The following ZNF346 variants were observed in gnomAD, a reference collection of about 807,000 sequenced individuals.
The protein encoded by ZNF346 is double-stranded RNA-binding zinc finger protein JAZ.
In ZNF346, 23 loss-of-function variants were observed where a neutral mutation model predicts 33.7. That is an observed-to-expected ratio of 0.68 (90% confidence interval 0.49 to 0.97). The LOEUF (loss-of-function observed/expected upper bound fraction) is 0.97. ZNF346 is among the 50% of genes least tolerant of loss of function. ZNF346 has a pLI of 0.00. For synonymous variants in ZNF346, 134 were observed against 142.4 expected (o/e 0.94, Z 0.42); for missense variants, 340 against 371.1 (o/e 0.92, Z 0.69).
In ZNF346 at chr5:177,038,876, T is replaced by TTCG. The variant is rs981637597; in HGVS notation, c.176-2249_176-2248insCGT. Among the ~76,000 whole-genome samples the TTCG allele has an allele frequency of 1.3e-3, 174 of 135,450 alleles. 1 individual carries two copies. Among genetic ancestry groups the TTCG allele is most frequent in the African/African-American group, 4.6e-3 (164 of 35,596 alleles). The allele number at this position is 135,450 out of a possible 152,430, so 88.9% of individuals were successfully genotyped here. ...TTTTTCTTCTTTTTTCTTCTTCTTC[T>TTCG]TGTGTGTGTGTGTGTGTGTGTGTGT... On this transcript the variant is annotated intron_variant, in intron 1 of 6. Transcript: ENST00000358149.
At chr5:177,023,379 C>T in intron 1 of ZNF346, 2 of 662,144 alleles carry the variant, frequency 3.0e-6, no homozygotes, top group Non-Finnish European at 5.3e-6. Context: ...CCCCTGGGTT[C>T]CTCCTGGTCT....
Position 177,064,806 on chromosome 5 carries a change from G to A in ZNF346, c.*207G>A. On this transcript the variant is annotated 3_prime_UTR_variant, in exon 7 of 7. Transcript: ENST00000358149. ...GCAGGGGTCCTGTAGGTCATGACAG[G>A]GGAGGCAAGGGTATTGAGAGACTCG... The A allele has an allele frequency of 1.7e-6, 1 of 576,592 alleles. No individual in the cohort carries two copies. The highest frequency in any genetic ancestry group is 3.1e-6 in the Non-Finnish European group (1 of 323,182). The allele number at this position is 576,592 out of a possible 1,614,324, so 35.7% of individuals were successfully genotyped here. A position where few individuals can be genotyped will look rare whatever the true frequency, so the allele number is the denominator to read the frequency against.
chr5:177,080,556 A>C (rs898807305), exon 9 of ZNF346: 4 of 152,376 alleles, frequency 2.6e-5, no homozygotes, highest in Non-Finnish European at 2.9e-5. Context: ...TCACACCTAT[A>C]ATCCCAGCCC....
rs149518992 is a variant in ZNF346 at position 177,031,841 on chromosome 5, A to G, written c.175+8928A>G. On this transcript the variant is annotated intron_variant, in intron 1 of 6. Transcript: ENST00000358149. ...AGCTATTTCTATTGCTGTATCTTCA[A>G]GTTCACTGATTCTTCTGCCATTTTG... Among the ~76,000 whole-genome samples, 1,381 of 152,112 alleles carry G rather than the reference A, an allele frequency of 9.1e-3. 8 individuals carry two copies. Among genetic ancestry groups the G allele is most frequent in the South Asian group, 0.025 (119 of 4,814 alleles).
chr5:177,056,516 A>C (rs948910934), intron 5 of ZNF346, among the ~76,000 whole-genome samples: 1 of 152,246 alleles, frequency 6.6e-6, no homozygotes, highest in Non-Finnish European at 1.5e-5. Flanking sequence ...GAACCAACCC[A>C]AATGTCCATC....
intron 6 of ZNF346, among the ~76,000 whole-genome samples, chr5:177,063,482 A>C (rs1353171602): frequency 6.6e-6 from 1 of 152,086 alleles, no homozygotes; most frequent in Non-Finnish European, 1.5e-5. Context: ...TTAGGTGTAG[A>C]CTTGAGTTGC....
At chr5:177,037,071 G>C (rs1778609979) in intron 1 of ZNF346, among the ~76,000 whole-genome samples, 1 of 152,202 alleles carries the variant, frequency 6.6e-6, no homozygotes, top group African/African-American at 2.4e-5. Flanking sequence ...TTAACTTCCA[G>C]AGTGCTGAAG....
chr5:177,033,309 C>A (rs1372135879), intron 1 of ZNF346, among the ~76,000 whole-genome samples: 1 of 152,124 alleles, frequency 6.6e-6, no homozygotes, highest in Admixed American at 6.5e-5. Flanking sequence ...AAACTCCTGG[C>A]ATCAAGCAAT....
chr5:177,040,292 G>A (rs1010180046), intron 1 of ZNF346, among the ~76,000 whole-genome samples: 1 of 152,032 alleles, frequency 6.6e-6, no homozygotes, highest in Non-Finnish European at 1.5e-5. Context: ...TTAAGCACAG[G>A]TTAATACCAT....
chr5:177,046,791 G>A (rs1780101151), intron 4 of ZNF346, among the ~76,000 whole-genome samples: 1 of 151,964 alleles, frequency 6.6e-6, no homozygotes, highest in South Asian at 2.1e-4. Flanking sequence ...TTAACTCCGT[G>A]TATATGTGCA....
chr5:177,047,340 GTT>G (rs113091804), intron 4 of ZNF346, among the ~76,000 whole-genome samples: 1 of 137,358 alleles, frequency 7.3e-6, no homozygotes. Context: ...TTTGTTTTTT[GTT>G]TTTTTTTTTT....
intron 5 of ZNF346, among the ~76,000 whole-genome samples, chr5:177,058,064 G>A (rs1781984111): frequency 6.6e-6 from 1 of 150,944 alleles, no homozygotes; most frequent in Admixed American, 6.6e-5. Flanking sequence ...CAGGTGATGT[G>A]GCCGCCTCAG....
chr5:177,022,699 C>T lies in ZNF346; in HGVS notation c.-40C>T. 5 of 1,490,906 alleles carry T rather than the reference C, an allele frequency of 3.4e-6. No homozygotes were observed. The highest frequency in any genetic ancestry group is 4.4e-6 in the Non-Finnish European group (5 of 1,126,940). 92.4% of individuals were successfully genotyped at this position (1,490,906 alleles called of 1,614,324 possible). A position where few individuals can be genotyped will look rare whatever the true frequency, so the allele number is the denominator to read the frequency against. ...CCCACCAAATCTCGCGATACCTAGG[C>T]GCCTGAGAGGCTCTCTACCGGTGAG... is the stretch of plus-strand genomic sequence containing the variant. On this transcript the variant is annotated 5_prime_UTR_variant, in exon 1 of 7. Coordinates refer to ENST00000358149, the MANE Select transcript of ZNF346 (RefSeq NM_012279.4).
rs1037699257 is a variant in ZNF346, at chr5:177,044,685, T to C, written c.517+152T>C. 21 of 769,422 alleles carry C rather than the reference T, an allele frequency of 2.7e-5. No homozygotes were observed. The South Asian group carries it at 3.7e-4, about 13-fold the overall frequency. The allele number at this position is 769,422 out of a possible 1,614,324, so 47.7% of individuals were successfully genotyped here. On this transcript the variant is annotated intron_variant, in intron 4 of 6. Transcript: ENST00000358149. ...TTAAAAATCTCCAAGTAGACCCAGC[T>C]TCACTGAAATGCAATCTCAGAATTA...
At chr5:177,064,282 G>A (rs1782915084) in intron 6 of ZNF346, among the ~76,000 whole-genome samples, 1 of 152,206 alleles carries the variant, frequency 6.6e-6, no homozygotes, top group Non-Finnish European at 1.5e-5. Context: ...CTGAACTTTA[G>A]TTTCCTTGTA....
At chr5:177,072,994 A>G (rs1464142362) in intron 8 of ZNF346, among the ~76,000 whole-genome samples, 1 of 152,078 alleles carries the variant, frequency 6.6e-6, no homozygotes, top group East Asian at 1.9e-4. Context: ...GGGGACCTCC[A>G]CTCATCCAGA....
At chr5:177,044,587 C>G in intron 4 of ZNF346, 54 bp downstream of exon 4, 2 of 1,592,070 alleles carry the variant, frequency 1.3e-6, no homozygotes, top group Non-Finnish European at 1.7e-6. Context: ...CCTCAGGGCA[C>G]TACTGCCAGG....
chr5:177,062,109 A>T lies in ZNF346; in HGVS notation c.755A>T (p.Glu252Val). 6.2e-7 allele frequency: 1 copy of T among 1,614,112 alleles called. No homozygotes were observed. The highest frequency in any genetic ancestry group is 1.3e-5 in the African/African-American group (1 of 75,048). The change falls in exon 6 of 7, where the codon GAA (glutamate) becomes GTA (valine). Residue 252 changes from glutamate to valine, a missense_variant. Coordinates refer to ENST00000358149, the MANE Select transcript of ZNF346 (RefSeq NM_012279.4). Reference protein sequence around the residue: ...KTCKIVLNSIEQYQAHVSGFK... With the variant: ...KTCKIVLNSIVQYQAHVSGFK... ...TGTAAGATAGTGCTGAACTCCATAG[A>T]ACAGTACCAAGCTCATGTCAGCGGC...
At chr5:177,061,666 C>T (rs1019788367) in intron 5 of ZNF346, among the ~76,000 whole-genome samples, 5 of 152,180 alleles carry the variant, frequency 3.3e-5, no homozygotes, top group Non-Finnish European at 7.4e-5. Flanking sequence ...ATTACTGTTA[C>T]CGCAAGCCCT....
Sources: gnomAD v4.1 joint callset for allele counts (sites outside exome capture counted in the v4.1 genomes callset) on GRCh38, gnomAD v4.1.1 for gene constraint, MANE v1.5 for transcripts, NCBI Gene and HGNC (gene_info 2026-07-23, HGNC 2026-07-21) for gene names.